PKD1L1: variants seen among roughly 807,000 people sequenced by gnomAD.
PKD1L1 encodes polycystin 1 like 1, transient receptor potential channel interacting, also known as polycystin-1-like protein 1.
In PKD1L1, 236 loss-of-function variants were observed where a neutral mutation model predicts 323.4. The ratio of observed to expected loss-of-function variants is 0.73; its 90% CI spans 0.66 to 0.81. The LOEUF (loss-of-function observed/expected upper bound fraction) is 0.81, where lower values mean the gene tolerates loss of function less well. Among genes scored for constraint, PKD1L1 ranks in the 40% least tolerant of loss-of-function variants. The pLI, the probability that PKD1L1 is intolerant of heterozygous loss-of-function variation, is 0.00. For missense variants in PKD1L1, 3,320 were observed against 3,508.0 expected, an observed-to-expected ratio of 0.95 and a Z score of 1.35; for synonymous variants, 1,344 against 1,335.0, an observed-to-expected ratio of 1.01 and a Z score of -0.15.
In PKD1L1 at chr7:47,792,713, G is replaced by A. The variant is rs755338864; in HGVS notation, c.8440C>T (p.Leu2814Phe). 2.5e-6 allele frequency: 4 copies of A among 1,613,966 alleles called. No individual in the cohort carries two copies. The Admixed American group carries it at 5.0e-5, about 20-fold the overall frequency. Residue 2814 changes from leucine to phenylalanine, a missense_variant, in exon 56 of 57, where the codon CTT becomes TTT. By Grantham distance (22) the Leu-to-Phe change is conservative. Coordinates refer to ENST00000289672, the MANE Select transcript of PKD1L1 (RefSeq NM_138295.5). The part of the protein sequence containing the change: ...NGLSDSLQLP[L>F]LEKTSNNTGE... ...GTGTTGTTGGATGTTTTTTCCAGAA[G>A]GGGGAGTTGTAGGCTGTCGGACAAA...
intron 13 of PKD1L1, among the ~76,000 whole-genome samples, chr7:47,901,941 C>T (rs1229306615): frequency 4.6e-5 from 7 of 151,968 alleles, no homozygotes; most frequent in Admixed American, 3.9e-4. Flanking sequence ...CGATCATGTC[C>T]TTTCATTTTG....
At chr7:47,882,188 G>A (rs116637880) in intron 19 of PKD1L1, 103 bp from the exon 20 acceptor site, 2 of 1,174,584 alleles carry the variant, frequency 1.7e-6, no homozygotes, top group Non-Finnish European at 2.4e-6. Flanking sequence ...TTGTACTATT[G>A]CTGGATACCG....
intron 54 of PKD1L1, among the ~76,000 whole-genome samples, chr7:47,796,848 A>T (rs1252048566): frequency 2.6e-5 from 3 of 116,432 alleles, no homozygotes; most frequent in East Asian, 5.7e-4. Context: ...AAAAAAAAAA[A>T]AATTAGCTGG....
rs755738691 is a variant in PKD1L1, at chr7:47,821,117, A to G, written c.6924T>C (p.Asp2308=). 1 of 1,608,712 alleles carries G rather than the reference A, an allele frequency of 6.2e-7. No homozygotes were observed. Among genetic ancestry groups the G allele is most frequent in the Non-Finnish European group, 8.5e-7 (1 of 1,175,060 alleles). The part of the protein sequence containing the change: ...LCVIYGRFSQ[D]EYSLNQAIRK... Reference sequence around the variant, plus strand: ...GGATAGCTTGATTGAGGGAGTATTCATCTTGGGAAAATCTCCCATATATTA... The same window carrying G: ...GGATAGCTTGATTGAGGGAGTATTCGTCTTGGGAAAATCTCCCATATATTA... Residue 2308 remains aspartate (D), a synonymous_variant, in exon 46 of 57, where the codon GAT becomes GAC. Coordinates refer to ENST00000289672, the MANE Select transcript of PKD1L1 (RefSeq NM_138295.5).
intron 24 of PKD1L1, among the ~76,000 whole-genome samples, chr7:47,867,713 G>A (rs1316545801): frequency 6.6e-6 from 1 of 152,072 alleles, no homozygotes; most frequent in African/African-American, 2.4e-5. Flanking sequence ...ATCAAAGGAA[G>A]TTAGAACAAT....
At chr7:47,786,157 A>C (rs1420023056) in intron 56 of PKD1L1, among the ~76,000 whole-genome samples, 1 of 152,248 alleles carries the variant, frequency 6.6e-6, no homozygotes, top group East Asian at 1.9e-4. Flanking sequence ...AAGATTCAGT[A>C]AGTTTACAGA....
At chr7:47,948,174 T>C (rs1440675668) in intron 1 of PKD1L1, among the ~76,000 whole-genome samples, 2 of 152,162 alleles carry the variant, frequency 1.3e-5, no homozygotes, top group Non-Finnish European at 2.9e-5. Flanking sequence ...AGGCATCCGC[T>C]TGGAGGAGTC....
intron 28 of PKD1L1, among the ~76,000 whole-genome samples, chr7:47,855,574 G>C (rs916746062): frequency 1.3e-5 from 2 of 152,116 alleles, no homozygotes; most frequent in African/African-American, 4.8e-5. Context: ...GGAAGGTATA[G>C]AAAAGTATAT....
In PKD1L1 at chr7:47,940,234, G is replaced by C. The variant is rs377088385; in HGVS notation, c.244C>G (p.Arg82Gly). Reference protein sequence around the residue: ...WCALNGKAEDRESQSPSSSAS... With the variant: ...WCALNGKAEDGESQSPSSSAS... ...GATGAGGATGGGCTCTGTGATTCCC[G>C]GTCTTCTGCCTTTCCATTCAGAGCA... The change falls in exon 3 of 57, where the codon CGG becomes GGG. Residue 82 changes from arginine (R) to glycine (G), a missense_variant. Physicochemically the swap from Arg to Gly is moderately radical, Grantham distance 125. Coordinates refer to ENST00000289672, the MANE Select transcript of PKD1L1 (RefSeq NM_138295.5). 12 of 1,614,028 alleles carry C rather than the reference G, an allele frequency of 7.4e-6. No homozygotes were observed. The East Asian group carries it at 8.9e-5, about 12-fold the overall frequency.
intron 13 of PKD1L1, among the ~76,000 whole-genome samples, chr7:47,898,767 A>C (rs925969489): frequency 6.6e-6 from 1 of 152,148 alleles, no homozygotes; most frequent in Non-Finnish European, 1.5e-5. Flanking sequence ...CAACACTACT[A>C]TCTCACCTTA....
At chr7:47,780,460 C>T (rs58963857) in intron 56 of PKD1L1, among the ~76,000 whole-genome samples, 33,611 of 151,872 alleles carry the variant, frequency 0.22, 4,031 homozygotes, top group South Asian at 0.27. Flanking sequence ...GGTGAAAACC[C>T]GTCTCTACTA....
chr7:47,827,834 A>G (rs1043696123), intron 44 of PKD1L1, among the ~76,000 whole-genome samples: 1 of 152,224 alleles, frequency 6.6e-6, no homozygotes, highest in Admixed American at 6.5e-5. Flanking sequence ...AAGGTATGAA[A>G]AAATCATTTT....
At chr7:47,895,089 A>G (rs115309039) in intron 14 of PKD1L1, among the ~76,000 whole-genome samples, 2,546 of 152,234 alleles carry the variant, frequency 0.017, 77 homozygotes, top group African/African-American at 0.057. Context: ...TGCTGAGAAT[A>G]TTCCAAGTAT....
At chr7:47,904,930 G>T (rs1787171291) in intron 11 of PKD1L1, among the ~76,000 whole-genome samples, 1 of 152,160 alleles carries the variant, frequency 6.6e-6, no homozygotes, top group Non-Finnish European at 1.5e-5. Flanking sequence ...ACCTAGGACT[G>T]TCTGCTTCAA....
intron 8 of PKD1L1, among the ~76,000 whole-genome samples, chr7:47,911,677 G>A (rs1274110513): frequency 3.3e-5 from 5 of 152,188 alleles, no homozygotes; most frequent in African/African-American, 7.2e-5. Flanking sequence ...GAGGTAGCTA[G>A]CATGTTCAGA....
chr7:47,921,816 A>G (rs1021340314), intron 7 of PKD1L1, among the ~76,000 whole-genome samples: 59 of 152,142 alleles, frequency 3.9e-4, no homozygotes, highest in African/African-American at 1.2e-3. Context: ...GTATGTTCTC[A>G]CTTATAAGTG....
chr7:47,810,547 A>C (rs1322737286), intron 50 of PKD1L1, among the ~76,000 whole-genome samples: 1 of 143,820 alleles, frequency 7.0e-6, no homozygotes, highest in East Asian at 2.1e-4. Context: ...CATTGCGCCC[A>C]CACCAGCGCG....
In PKD1L1 at chr7:47,808,307, C is replaced by G; in HGVS notation, c.7767G>C (p.Gln2589His). ...LVTLAGDVTN[Q>H]FHRGLCRAFM... Reference sequence around the variant, plus strand: ...ATGCTCGGCAAAGTCCTCTGTGAAACTGGTTAGTGACATCTCCAGCAAGAG... The same window carrying G: ...ATGCTCGGCAAAGTCCTCTGTGAAAGTGGTTAGTGACATCTCCAGCAAGAG... The change falls in exon 52 of 57, where the codon CAG (glutamine) becomes CAC (histidine). Residue 2589 changes from glutamine to histidine, a missense_variant. Physicochemically the swap from Gln to His is conservative, Grantham distance 24. Coordinates refer to ENST00000289672, the MANE Select transcript of PKD1L1 (RefSeq NM_138295.5). 1.9e-6 allele frequency: 3 copies of G among 1,614,096 alleles called. No individual in the cohort carries two copies. The South Asian group carries it at 3.3e-5, about 18-fold the overall frequency.
chr7:47,784,962 C>T (rs1290391987), intron 56 of PKD1L1, among the ~76,000 whole-genome samples: 1 of 152,080 alleles, frequency 6.6e-6, no homozygotes, highest in Non-Finnish European at 1.5e-5. Flanking sequence ...TGCTCAATAA[C>T]CAGTTCACTA....
Sources: allele counts gnomAD v4.1 joint callset (sites outside exome capture counted in the v4.1 genomes callset), GRCh38; gene constraint gnomAD v4.1.1; transcripts MANE v1.5; gene names NCBI Gene and HGNC (gene_info 2026-07-23, HGNC 2026-07-21).